The following PRAMEF17 variants were observed in gnomAD, a reference collection of about 807,000 sequenced individuals.
PRAMEF17 encodes PRAME family member 17.
PRAMEF17 carries 48 observed loss-of-function variants against 36.8 expected under a neutral mutation model. That is an observed-to-expected ratio of 1.30 (90% confidence interval 1.03 to 1.66). The LOEUF is 1.66. PRAMEF17 is among the 40% of genes most tolerant of loss of function. PRAMEF17 has a pLI of 0.00. For synonymous variants in PRAMEF17, 246 were observed against 220.4 expected, an observed-to-expected ratio of 1.12 and a Z score of -1.03; for missense variants, 639 against 560.6, an observed-to-expected ratio of 1.14 and a Z score of -1.41.
At chr1:13,391,822 C>A in intron 2 of PRAMEF17, 122 bp from the exon 3 acceptor site, 3 of 1,428,650 alleles carry the variant, frequency 2.1e-6, no homozygotes, top group Middle Eastern at 2.6e-4. Context: ...TACTACAACA[C>A]CTGTGTGGTA....
At chr1:13,391,032 G>A (rs1244079272) in intron 2 of PRAMEF17, 113 bp downstream of exon 2, 1 of 1,460,974 alleles carries the variant, frequency 6.8e-7, no homozygotes, top group Non-Finnish European at 9.4e-7. Flanking sequence ...ATGTCACAGG[G>A]AATGGGACGC....
intron 1 of PRAMEF17, 47 bp from the exon 2 acceptor site, chr1:13,390,294 G>A (rs1166950494): frequency 1.2e-6 from 2 of 1,611,662 alleles, no homozygotes; most frequent in East Asian, 2.2e-5. Context: ...CAGGTCAGGG[G>A]TGGGTCTTTG....
Position 13,392,342 on chromosome 1 carries a change from G to A in PRAMEF17, c.1265G>A (p.Arg422Lys). The change falls in exon 3 of 3, where the codon AGG becomes AAG. Residue 422 changes from arginine (R) to lysine (K), a missense_variant. Physicochemically the swap from Arg to Lys is conservative, Grantham distance 26. Coordinates refer to ENST00000376098, the MANE Select transcript of PRAMEF17 (RefSeq NM_001099851.3). ...YPAPLECLDN[R>K]GHVNWEILAP... ...GCCCCTCTGGAGTGTCTTGACAACA[G>A]GGGTCATGTCAATTGGGAGATCCTC... 2 of 1,612,012 alleles carry A rather than the reference G, an allele frequency of 1.2e-6. No individual in the cohort carries two copies. The highest frequency in any genetic ancestry group is 2.2e-5 in the East Asian group (1 of 44,872).
chr1:13,391,734 A>G (rs1421554157), intron 2 of PRAMEF17, among the ~76,000 whole-genome samples: 1 of 152,202 alleles, frequency 6.6e-6, no homozygotes, highest in African/African-American at 2.4e-5. Context: ...TTCATCAGGC[A>G]GCACCTTGCA....
Position 13,390,585 on chromosome 1 carries a change from G to C in PRAMEF17, c.532G>C (p.Val178Leu). 3 of 1,611,994 alleles carry C rather than the reference G, an allele frequency of 1.9e-6. No individual in the cohort carries two copies. The highest frequency in any genetic ancestry group is 2.5e-6 in the Non-Finnish European group (3 of 1,179,882). ...CRWIHYRRGL[V>L]HLCCNKVQNY... ...GTGGATCCACTACAGAAGAGGTCTA[G>C]TGCACCTGTGTTGTAATAAGGTGCA... The change falls in exon 2 of 3, where the codon GTG becomes CTG. Residue 178 changes from valine (V) to leucine (L), a missense_variant. Val to Leu is a conservative substitution (Grantham distance 32). Coordinates refer to ENST00000376098, the MANE Select transcript of PRAMEF17 (RefSeq NM_001099851.3).
At chr1:13,391,129 C>T (rs1379642726) in intron 2 of PRAMEF17, among the ~76,000 whole-genome samples, 2 of 152,106 alleles carry the variant, frequency 1.3e-5, no homozygotes, top group Non-Finnish European at 2.9e-5. Context: ...GAGGGATGGC[C>T]CGGGGCAGAT....
chr1:13,392,462 C>T lies in PRAMEF17; in HGVS notation c.1385C>T (p.Ser462Leu), dbSNP rs1640899281. The change falls in exon 3 of 3, where the codon TCA (serine) becomes TTA (leucine). Residue 462 changes from serine (S) to leucine (L), a missense_variant. Transcript: ENST00000376098. The part of the protein sequence containing the change: ...FGPIPCPSCG[S>L]WPSEKVDFHL... ...CCCATCCCCTGCCCTTCCTGTGGCT[C>T]ATGGCCATCTGAGAAAGTGGACTTC... The T allele has an allele frequency of 6.2e-7, 1 of 1,612,044 alleles. No homozygotes were observed.
At chr1:13,390,025 TG>T in intron 1 of PRAMEF17, 81 bp downstream of exon 1, 1 of 1,602,658 alleles carries the variant, frequency 6.2e-7, no homozygotes. Flanking sequence ...GTGGTGGGGT[TG>T]GGGAGCTAGG....
chr1:13,389,892 C>A lies in PRAMEF17; in HGVS notation c.235C>A (p.Gln79Lys), dbSNP rs1230562631. The A allele has an allele frequency of 6.2e-6, 10 of 1,613,410 alleles. No individual in the cohort carries two copies. In the South Asian group the frequency reaches 1.1e-4, roughly 18 times the overall value. Residue 79 changes from glutamine to lysine, a missense_variant, in exon 1 of 3, where the codon CAA becomes AAA. By Grantham distance (53) the Gln-to-Lys change is moderately conservative. Transcript: ENST00000376098. ...LMKTPHLETL[Q>K]AVLKGLDTLL... Reference sequence around the variant, plus strand: ...GAAGACACCTCATCTGGAGACCTTGCAAGCTGTGCTGAAGGGACTTGATAC... The same window carrying A: ...GAAGACACCTCATCTGGAGACCTTGAAAGCTGTGCTGAAGGGACTTGATAC...
rs2100408732 is a variant in PRAMEF17, at chr1:13,392,004, C to A, written c.927C>A (p.Asp309Glu). The A allele has an allele frequency of 1.9e-6, 3 of 1,611,898 alleles. No individual in the cohort carries two copies. Among genetic ancestry groups the A allele is most frequent in the East Asian group, 2.2e-5 (1 of 44,846 alleles). The change falls in exon 3 of 3, where the codon GAC becomes GAA. Residue 309 changes from aspartate to glutamate, a missense_variant. Transcript: ENST00000376098. ...GTCATGCTTACCTAGCTGATCAGGA[C>A]ATGGAGTGTCTGTCTCAGTACCCAA... ...IFCHAYLADQ[D>E]MECLSQYPSL...
At position 13,390,860 on chromosome 1, in the gene PRAMEF17, T is replaced by C; in HGVS notation, c.807T>C (p.Pro269=). The change falls in exon 2 of 3, where the codon CCT becomes CCC. Residue 269 remains proline, a synonymous_variant. Transcript: ENST00000376098. ...GTCCATTCCTCTGCCTGTACTACCC[T>C]CAGATGCTTTATATAAGAAAGATCA... ...LDCPFLCLYY[P]QMLYIRKISN... 1.3e-5 allele frequency: 21 copies of C among 1,611,912 alleles called. No individual in the cohort carries two copies. The highest frequency in any genetic ancestry group is 2.7e-5 in the African/African-American group (2 of 74,872).
chr1:13,390,287 G>T (rs1479023179), intron 1 of PRAMEF17, 54 bp from the exon 2 acceptor site: 2 of 1,611,186 alleles, frequency 1.2e-6, no homozygotes, highest in South Asian at 2.2e-5. Context: ...GAAAGCTCAG[G>T]TCAGGGGTGG....
Position 13,390,565 on chromosome 1 carries a change from T to C in PRAMEF17, c.512T>C (p.Ile171Thr), listed in dbSNP as rs1438901092. 1.9e-6 allele frequency: 3 copies of C among 1,611,952 alleles called. No individual in the cohort carries two copies. The highest frequency in any genetic ancestry group is 2.2e-5 in the South Asian group (2 of 90,984). ...TGCCTGAGCTACCTCTGCAGGTGGATCCACTACAGAAGAGGTCTAGTGCAC... is the reference window on the plus strand; with the variant it reads ...TGCCTGAGCTACCTCTGCAGGTGGACCCACTACAGAAGAGGTCTAGTGCAC... ...DECLSYLCRWIHYRRGLVHLC... is the reference protein window; with the variant it reads ...DECLSYLCRWTHYRRGLVHLC... Residue 171 changes from isoleucine (I) to threonine (T), a missense_variant, in exon 2 of 3, where the codon ATC (isoleucine) becomes ACC (threonine). Physicochemically the swap from Ile to Thr is moderately conservative, Grantham distance 89. Coordinates refer to ENST00000376098, the MANE Select transcript of PRAMEF17 (RefSeq NM_001099851.3).
intron 2 of PRAMEF17, among the ~76,000 whole-genome samples, 195 bp downstream of exon 2, chr1:13,391,114 G>T (rs1220908745): frequency 3.9e-5 from 6 of 152,214 alleles, no homozygotes; most frequent in African/African-American, 1.4e-4. Context: ...GCTCAAATAA[G>T]GGCGGAGGGA....
rs1557468403 is a variant in PRAMEF17, at chr1:13,390,764, C to T, written c.711C>T (p.Leu237=). 3.1e-6 allele frequency: 5 copies of T among 1,612,004 alleles called. No individual in the cohort carries two copies. The South Asian group carries it at 5.5e-5, about 18-fold the overall frequency. Residue 237 remains leucine (L), a synonymous_variant, in exon 2 of 3, where the codon CTC becomes CTT. Transcript: ENST00000376098. ...YLSQMSNLRK[L]FLAFGYDDEL... ...GCCAGATGAGCAATCTTCGCAAACT[C>T]TTTTTAGCCTTCGGTTATGACGATG...
Position 13,390,510 on chromosome 1 carries a change from C to T in PRAMEF17, c.457C>T (p.Leu153Phe). 2 of 1,611,968 alleles carry T rather than the reference C, an allele frequency of 1.2e-6. No individual in the cohort carries two copies. The highest frequency in any genetic ancestry group is 1.7e-6 in the Non-Finnish European group (2 of 1,179,844). The change falls in exon 2 of 3, where the codon CTC becomes TTC. Residue 153 changes from leucine to phenylalanine, a missense_variant. Coordinates refer to ENST00000376098, the MANE Select transcript of PRAMEF17 (RefSeq NM_001099851.3). The stretch of plus-strand genomic sequence containing the variant: ...CCAGCCCTTGAAGGTGTTCATAGAC[C>T]TCTGCCAAAAGGAAAGTACACTGGA... ...EHQPLKVFID[L>F]CQKESTLDEC... is the part of the protein sequence containing the mutation.
In PRAMEF17 at chr1:13,389,691, C is replaced by A; in HGVS notation, c.34C>A (p.Leu12Met). 6.2e-7 allele frequency: 1 copy of A among 1,612,034 alleles called. No individual in the cohort carries two copies. The change falls in exon 1 of 3, where the codon CTG becomes ATG. Residue 12 changes from leucine to methionine, a missense_variant. Coordinates refer to ENST00000376098, the MANE Select transcript of PRAMEF17 (RefSeq NM_001099851.3). ...CCAGTCCCCATCCAGACTCCTGGAG[C>A]TGGCAGGCCAGAGCCTGCTGAGGAA... ...SLQSPSRLLE[L>M]AGQSLLRNQF...
At chr1:13,390,281 G>C (rs531622560) in intron 1 of PRAMEF17, 60 bp from the exon 2 acceptor site, 169,115 of 1,605,896 alleles carry the variant, frequency 0.11, 8,256 homozygotes, top group East Asian at 0.18. Context: ...TTGAGTGAAA[G>C]CTCAGGTCAG....
chr1:13,391,931 T>C lies in PRAMEF17; in HGVS notation c.867-13T>C, dbSNP rs1235283397. On this transcript the variant is annotated splice_polypyrimidine_tract_variant and intron_variant, in intron 2 of 2. Coordinates refer to ENST00000376098, the MANE Select transcript of PRAMEF17 (RefSeq NM_001099851.3). ...GGCACCATTGCCCATAACTAATTTC[T>C]TGCTCTCCCCAGGTGCCTCAAGAAC... The C allele has an allele frequency of 6.2e-7, 1 of 1,609,064 alleles. No individual in the cohort carries two copies. The highest frequency in any genetic ancestry group is 8.5e-7 in the Non-Finnish European group (1 of 1,177,776).
Sources: gnomAD v4.1 joint callset for allele counts (sites outside exome capture counted in the v4.1 genomes callset) on GRCh38, gnomAD v4.1.1 for gene constraint, MANE v1.5 for transcripts, NCBI Gene and HGNC (gene_info 2026-07-23, HGNC 2026-07-21) for gene names.